SCEL: variants seen among roughly 807,000 people sequenced by gnomAD.
SCEL encodes sciellin.
SCEL carries 113 observed loss-of-function variants against 117.6 expected under a neutral mutation model. The observed-to-expected ratio is 0.96, with a 90% confidence interval of 0.83 to 1.12. The LOEUF (loss-of-function observed/expected upper bound fraction) is 1.12. SCEL is among the 50% of genes most tolerant of loss of function. The pLI is 0.00. For synonymous variants in SCEL, 270 were observed against 256.2 expected (o/e 1.05, Z -0.51); for missense variants, 785 against 810.8 (o/e 0.97, Z 0.39).
chr13:77,644,330 G>A lies in SCEL; in HGVS notation c.*56G>A. 6.5e-7 allele frequency: 1 copy of A among 1,544,820 alleles called. No homozygotes were observed. The highest frequency in any genetic ancestry group is 1.7e-5 in the Admixed American group (1 of 58,772). The stretch of plus-strand genomic sequence containing the variant: ...ACTCATTAAGGAATTAAAGTTACAA[G>A]TTTTATCTTAATAATATGTAATCTA... On this transcript the variant is annotated 3_prime_UTR_variant, in exon 33 of 33. Transcript: ENST00000349847.
intron 9 of SCEL, among the ~76,000 whole-genome samples, chr13:77,581,741 TC>T (rs1274191729): frequency 6.6e-6 from 1 of 152,250 alleles, no homozygotes; most frequent in Admixed American, 6.5e-5. Flanking sequence ...TGCTGGAAGT[TC>T]TATCGACTAG....
intron 9 of SCEL, among the ~76,000 whole-genome samples, chr13:77,584,174 C>T (rs2086426510): frequency 6.6e-6 from 1 of 152,176 alleles, no homozygotes; most frequent in African/African-American, 2.4e-5. Context: ...GTTTCCTTCT[C>T]TTCAGAACGT....
chr13:77,597,809 G>A (rs1007452094), intron 13 of SCEL, among the ~76,000 whole-genome samples: 5 of 151,774 alleles, frequency 3.3e-5, no homozygotes, highest in East Asian at 1.9e-4. Flanking sequence ...ATTTTCATAC[G>A]CCATTTGTTT....
intron 1 of SCEL, among the ~76,000 whole-genome samples, chr13:77,553,905 C>T (rs914534443): frequency 7.9e-5 from 12 of 152,232 alleles, no homozygotes; most frequent in African/African-American, 2.4e-4. Context: ...TAAACAGCAT[C>T]ACTTAGATGC....
chr13:77,539,982 C>A (rs9544532), intron 1 of SCEL, among the ~76,000 whole-genome samples: 30,214 of 151,904 alleles, frequency 0.2, 3,248 homozygotes, highest in East Asian at 0.39. Flanking sequence ...ATAAAAGTAG[C>A]TTGTTTTTAT....
intron 24 of SCEL, among the ~76,000 whole-genome samples, chr13:77,616,206 A>G (rs139302497): frequency 6.6e-6 from 1 of 152,002 alleles, no homozygotes; most frequent in Admixed American, 6.6e-5. Context: ...GATTTTTTTT[A>G]TGTTACTTAC....
At chr13:77,564,678 C>G (rs1293458696) in intron 5 of SCEL, among the ~76,000 whole-genome samples, 1 of 152,178 alleles carries the variant, frequency 6.6e-6, no homozygotes, top group Non-Finnish European at 1.5e-5. Flanking sequence ...TTACTCCCTG[C>G]AGCTAAAGAT....
intron 22 of SCEL, among the ~76,000 whole-genome samples, chr13:77,610,791 A>C (rs1278047166): frequency 1.3e-5 from 2 of 152,170 alleles, no homozygotes; most frequent in Non-Finnish European, 2.9e-5. Context: ...CTCTCTTCTT[A>C]TTGTCTACCA....
chr13:77,539,552 T>C (rs966573264), intron 1 of SCEL, among the ~76,000 whole-genome samples: 2 of 152,036 alleles, frequency 1.3e-5, no homozygotes, highest in East Asian at 1.9e-4. Flanking sequence ...TTTTTTTTTT[T>C]TTTGAGACAG....
chr13:77,642,005 A>G (rs187088416), intron 31 of SCEL, among the ~76,000 whole-genome samples: 22 of 152,334 alleles, frequency 1.4e-4, no homozygotes, highest in Admixed American at 7.2e-4. Context: ...GAAAATTACT[A>G]TGCAGAAAAA....
At chr13:77,593,264 G>GTC (rs2086987484) in intron 11 of SCEL, among the ~76,000 whole-genome samples, 1 of 92,500 alleles carries the variant, frequency 1.1e-5, no homozygotes, top group Non-Finnish European at 2.0e-5. Flanking sequence ...AGGGGAGTGT[G>GTC]TGTGTGTGTG....
chr13:77,633,110 C>T (rs1567443550), intron 28 of SCEL, among the ~76,000 whole-genome samples: 1 of 152,164 alleles, frequency 6.6e-6, no homozygotes, highest in Non-Finnish European at 1.5e-5. Flanking sequence ...TAAAATAGCA[C>T]ATGCATTCTA....
At chr13:77,631,497 A>G (rs923018664) in intron 28 of SCEL, among the ~76,000 whole-genome samples, 6 of 152,226 alleles carry the variant, frequency 3.9e-5, no homozygotes, top group Admixed American at 2.0e-4. Flanking sequence ...AGTTCATAGT[A>G]TGGTACAAAT....
At chr13:77,550,436 T>G (rs1174630985) in intron 1 of SCEL, among the ~76,000 whole-genome samples, 1 of 150,180 alleles carries the variant, frequency 6.7e-6, no homozygotes, top group Non-Finnish European at 1.5e-5. Context: ...TCTCCAAGGT[T>G]GTGCAACCAT....
chr13:77,563,692 G>C (rs2154396705), intron 4 of SCEL, 139 bp from the exon 5 acceptor site: 1 of 572,700 alleles, frequency 1.7e-6, no homozygotes, highest in Non-Finnish European at 2.9e-6. Context: ...TTGGGTATTA[G>C]AAATCTATCT....
chr13:77,559,976 G>A, intron 4 of SCEL, 113 bp downstream of exon 4: 2 of 882,140 alleles, frequency 2.3e-6, no homozygotes, highest in Non-Finnish European at 3.7e-6. Context: ...TTTCCCCGAT[G>A]TTCTGGGCAT....
chr13:77,590,681 T>C (rs541101133), intron 10 of SCEL, among the ~76,000 whole-genome samples: 9 of 152,146 alleles, frequency 5.9e-5, no homozygotes, highest in African/African-American at 1.7e-4. Context: ...AACTTGCATG[T>C]TTTTTTAAAG....
Position 77,556,545 on chromosome 13 carries a change from G to A in SCEL, c.44-51G>A, listed in dbSNP as rs749079994. 5.5e-5 allele frequency: 82 copies of A among 1,491,020 alleles called. 2 individuals carry two copies. In the Admixed American group the frequency reaches 5.5e-4, roughly 10 times the overall value. 92.4% of individuals were successfully genotyped at this position (1,491,020 alleles called of 1,614,324 possible). ...AGGATTTTCAGGTTAACAAGCCCAC[G>A]CTCAACTCCACACTATTACATCTTC... On this transcript the variant is annotated intron_variant, in intron 2 of 32. Transcript: ENST00000349847.
chr13:77,595,668 A>T (rs1237687511), intron 12 of SCEL, among the ~76,000 whole-genome samples: 1 of 152,102 alleles, frequency 6.6e-6, no homozygotes, highest in South Asian at 2.1e-4. Flanking sequence ...TTAGTCTCAG[A>T]GTTAGTGGGT....
Sources: allele counts gnomAD v4.1 joint callset (sites outside exome capture counted in the v4.1 genomes callset), GRCh38; gene constraint gnomAD v4.1.1; transcripts MANE v1.5; gene names NCBI Gene and HGNC (gene_info 2026-07-23, HGNC 2026-07-21).